The following SLC16A7 variants were observed in gnomAD, a reference collection of about 807,000 sequenced individuals.
SLC16A7 encodes the protein monocarboxylate transporter 2.
In SLC16A7, 33 loss-of-function variants were observed where a neutral mutation model predicts 34.9. The observed-to-expected ratio is 0.94, with a 90% confidence interval of 0.72 to 1.26. The LOEUF is 1.26. Among genes scored for constraint, SLC16A7 ranks in the 50% most tolerant of loss-of-function variants. SLC16A7 has a pLI of 0.00. For missense variants in SLC16A7, 573 were observed against 578.1 expected, an observed-to-expected ratio of 0.99 and a Z score of 0.09; for synonymous variants, 201 against 206.6, an observed-to-expected ratio of 0.97 and a Z score of 0.23.
intron 2 of SLC16A7, among the ~76,000 whole-genome samples, chr12:59,660,176 G>T (rs939550208): frequency 1.3e-5 from 2 of 151,162 alleles, no homozygotes; most frequent in African/African-American, 2.4e-5. Context: ...TTTTTTAAAA[G>T]AATTTTATGC....
At chr12:59,708,691 G>C (rs117533016) in intron 3 of SLC16A7, among the ~76,000 whole-genome samples, 12 of 152,072 alleles carry the variant, frequency 7.9e-5, no homozygotes, top group Non-Finnish European at 1.6e-4. Context: ...GGGTCACTGA[G>C]TAAGATGGAG....
intron 1 of SLC16A7, among the ~76,000 whole-genome samples, chr12:59,623,272 C>T (rs1276940847): frequency 1.3e-5 from 2 of 151,594 alleles, no homozygotes; most frequent in African/African-American, 4.8e-5. Flanking sequence ...CTTTGTCATT[C>T]TTGGCCATTT....
Position 59,607,076 on chromosome 12 carries a change from C to T in SLC16A7, c.-130+10840C>T, listed in dbSNP as rs537734131. Among the ~76,000 whole-genome samples the T allele has an allele frequency of 2.6e-5, 4 of 152,284 alleles. No individual in the cohort carries two copies. In the South Asian group the frequency reaches 8.3e-4, roughly 32 times the overall value. On this transcript the variant is annotated intron_variant, in intron 1 of 5. Transcript: ENST00000547379. ...CTGTTTGTTTTCCTGTTTTCTGTGG[C>T]TGCCTTCCTGCTGCAGGGCAAAGTT... is the stretch of plus-strand genomic sequence containing the variant.
intron 2 of SLC16A7, among the ~76,000 whole-genome samples, chr12:59,672,012 C>CAT (rs1429502023): frequency 0.013 from 1 of 80 alleles, no homozygotes; most frequent in Non-Finnish European, 0.017. Context: ...TCCATATATC[C>CAT]GTATATATGT....
At chr12:59,770,693 T>G (rs2137436722) in intron 3 of SLC16A7, among the ~76,000 whole-genome samples, 1 of 152,282 alleles carries the variant, frequency 6.6e-6, no homozygotes, top group Middle Eastern at 3.4e-3. Context: ...TGATAGGATG[T>G]GAAAACAATA....
intron 3 of SLC16A7, among the ~76,000 whole-genome samples, chr12:59,753,635 A>G (rs1205295410): frequency 6.6e-6 from 1 of 151,988 alleles, no homozygotes; most frequent in Non-Finnish European, 1.5e-5. Flanking sequence ...AAAGAGACTT[A>G]GACTCCCACA....
intron 2 of SLC16A7, among the ~76,000 whole-genome samples, chr12:59,658,295 T>C (rs1392261802): frequency 6.6e-6 from 1 of 152,032 alleles, no homozygotes; most frequent in African/African-American, 2.4e-5. Flanking sequence ...TGGCATCTCA[T>C]TTACCTGGAC....
intron 1 of SLC16A7, among the ~76,000 whole-genome samples, chr12:59,605,337 A>G (rs551568319): frequency 6.6e-6 from 1 of 152,298 alleles, no homozygotes; most frequent in African/African-American, 2.4e-5. Flanking sequence ...AAGGAACAGT[A>G]AGTCCAGGAT....
chr12:59,605,227 C>T (rs562629056), intron 1 of SLC16A7, among the ~76,000 whole-genome samples: 1 of 152,244 alleles, frequency 6.6e-6, no homozygotes, highest in Non-Finnish European at 1.5e-5. Flanking sequence ...GATAAGGCTT[C>T]CTTACTATTT....
chr12:59,637,072 A>C (rs776034513), intron 1 of SLC16A7, among the ~76,000 whole-genome samples: 5 of 152,158 alleles, frequency 3.3e-5, no homozygotes, highest in Non-Finnish European at 5.9e-5. Context: ...CACATGATTC[A>C]AATGTAAATC....
chr12:59,779,473 G>A lies in SLC16A7; in HGVS notation c.1231G>A (p.Gly411Arg). Reference sequence around the variant, plus strand: ...ATATAAATACATGTACATGTCCTGTGGGGCTATTGTGGTAGCAGCAAGCGT... The same window carrying A: ...ATATAAATACATGTACATGTCCTGTAGGGCTATTGTGGTAGCAGCAAGCGT... ...GEYKYMYMSC[G>R]AIVVAASVWL... Residue 411 changes from glycine (G) to arginine (R), a missense_variant, in exon 6 of 6, where the codon GGG (glycine) becomes AGG (arginine). Physicochemically the swap from Gly to Arg is moderately radical, Grantham distance 125 (BLOSUM62 -2). Transcript: ENST00000547379. 1 of 1,611,186 alleles carries A rather than the reference G, an allele frequency of 6.2e-7. No individual in the cohort carries two copies.
At chr12:59,653,323 A>C (rs1462989447) in intron 1 of SLC16A7, among the ~76,000 whole-genome samples, 1 of 151,726 alleles carries the variant, frequency 6.6e-6, no homozygotes, top group Non-Finnish European at 1.5e-5. Context: ...ATATTATTTT[A>C]TTTCACATGA....
chr12:59,760,737 A>T (rs191552010), intron 3 of SLC16A7, among the ~76,000 whole-genome samples: 152 of 152,188 alleles, frequency 1.0e-3, no homozygotes, highest in Admixed American at 2.2e-3. Context: ...CATCCCAAGC[A>T]GGTTGAAGCA....
intron 2 of SLC16A7, among the ~76,000 whole-genome samples, chr12:59,704,058 C>T (rs769734325): frequency 4.6e-5 from 7 of 150,874 alleles, no homozygotes; most frequent in South Asian, 2.1e-4. Context: ...AAAAATTAGC[C>T]GGGCATGGTG....
At chr12:59,755,659 A>G (rs1456536953) in intron 3 of SLC16A7, among the ~76,000 whole-genome samples, 2 of 152,212 alleles carry the variant, frequency 1.3e-5, no homozygotes, top group Admixed American at 6.5e-5. Context: ...AAGAATCAGT[A>G]TCATGAAAAT....
rs1440456079 is a variant in SLC16A7, at chr12:59,780,548, A to G, written c.*869A>G. ...TCTTACCTAATATGTAAAAGTCTGC[A>G]TGACTCTTAACAATGAGTCACATCC... On this transcript the variant is annotated 3_prime_UTR_variant, in exon 6 of 6. Coordinates refer to ENST00000547379, the MANE Select transcript of SLC16A7 (RefSeq NM_001270623.2). The G allele has an allele frequency of 6.6e-6, 1 of 152,130 alleles. No individual in the cohort carries two copies. Among genetic ancestry groups the G allele is most frequent in the African/African-American group, 2.4e-5 (1 of 41,454 alleles). The allele number at this position is 152,130 out of a possible 1,614,324, so 9.4% of individuals were successfully genotyped here.
intron 1 of SLC16A7, among the ~76,000 whole-genome samples, chr12:59,626,789 G>A (rs1048715725): frequency 6.6e-6 from 1 of 151,820 alleles, no homozygotes; most frequent in Non-Finnish European, 1.5e-5. Context: ...GTCAGATTGT[G>A]TAAGAGGGAA....
intron 2 of SLC16A7, among the ~76,000 whole-genome samples, chr12:59,679,237 G>A (rs537094110): frequency 6.6e-6 from 1 of 152,284 alleles, no homozygotes; most frequent in East Asian, 1.9e-4. Context: ...TGGCTCAGTG[G>A]CCACAGCTGC....
intron 1 of SLC16A7, among the ~76,000 whole-genome samples, chr12:59,650,488 TG>T (rs1407676517): frequency 6.6e-6 from 1 of 152,102 alleles, no homozygotes; most frequent in African/African-American, 2.4e-5. Context: ...CCTGAGAACT[TG>T]ACTTCTCCAA....
Sources: allele counts gnomAD v4.1 joint callset (sites outside exome capture counted in the v4.1 genomes callset), GRCh38; gene constraint gnomAD v4.1.1; transcripts MANE v1.5; gene names NCBI Gene and HGNC (gene_info 2026-07-23, HGNC 2026-07-21).